The following TIAM1 variants were observed in gnomAD, a reference collection of about 807,000 sequenced individuals.
The protein encoded by TIAM1 is rho guanine nucleotide exchange factor TIAM1.
A neutral mutation model predicts 163.5 loss-of-function variants in TIAM1; 65 were observed. That is an observed-to-expected ratio of 0.40 (90% confidence interval 0.33 to 0.49). The LOEUF (loss-of-function observed/expected upper bound fraction) is 0.49. TIAM1 is among the 20% of genes least tolerant of loss of function. The pLI, the probability that TIAM1 is intolerant of heterozygous loss-of-function variation, is 0.77. For synonymous variants in TIAM1, 833 were observed against 810.1 expected, an observed-to-expected ratio of 1.03 and a Z score of -0.48; for missense variants, 1,789 against 2,044.7, an observed-to-expected ratio of 0.87 and a Z score of 2.41.
chr21:31,339,933 A>C (rs2075965803), intron 1 of TIAM1, among the ~76,000 whole-genome samples: 1 of 152,176 alleles, frequency 6.6e-6, no homozygotes, highest in South Asian at 2.1e-4. Context: ...CTTGTTCTCC[A>C]TTCTCATGAA....
chr21:31,497,346 CAAATA>C (rs1569386636), intron 1 of TIAM1, among the ~76,000 whole-genome samples: 1 of 152,026 alleles, frequency 6.6e-6, no homozygotes, highest in African/African-American at 2.4e-5. Flanking sequence ...AATATCAAAA[CAAATA>C]GTTATAAGAG....
intron 2 of TIAM1, among the ~76,000 whole-genome samples, chr21:31,422,700 C>T (rs1356211787): frequency 6.6e-6 from 1 of 152,210 alleles, no homozygotes; most frequent in African/African-American, 2.4e-5. Flanking sequence ...CTGCACTCCA[C>T]CTTTGCACCA....
At chr21:31,387,207 T>G (rs1351885751) in intron 2 of TIAM1, among the ~76,000 whole-genome samples, 1 of 142,720 alleles carries the variant, frequency 7.0e-6, no homozygotes, top group Admixed American at 6.9e-5. Context: ...TTTTTTTTTT[T>G]TTTTTTTTTT....
chr21:31,316,450 G>A (rs902895551), intron 2 of TIAM1, among the ~76,000 whole-genome samples: 4 of 152,142 alleles, frequency 2.6e-5, no homozygotes, highest in African/African-American at 9.7e-5. Flanking sequence ...ATTTTGTGAG[G>A]GCTAAATCAA....
chr21:31,307,004 T>C (rs1048633427), intron 2 of TIAM1, among the ~76,000 whole-genome samples: 2 of 151,844 alleles, frequency 1.3e-5, no homozygotes, highest in Non-Finnish European at 2.9e-5. Context: ...AAATTCTTCA[T>C]ACTGCATTGC....
intron 22 of TIAM1, among the ~76,000 whole-genome samples, chr21:31,137,232 CAA>C (rs910215408): frequency 2.0e-5 from 3 of 152,224 alleles, no homozygotes; most frequent in Admixed American, 2.0e-4. Context: ...CTCGAGCCAC[CAA>C]AACAGGCTAC....
intron 15 of TIAM1, among the ~76,000 whole-genome samples, chr21:31,170,786 C>T (rs957076684): frequency 6.6e-6 from 1 of 151,820 alleles, no homozygotes; most frequent in African/African-American, 2.4e-5. Context: ...ACCTGTAATC[C>T]CAGCACTTTG....
At chr21:31,426,113 C>T (rs1388471648) in intron 2 of TIAM1, among the ~76,000 whole-genome samples, 2 of 152,028 alleles carry the variant, frequency 1.3e-5, no homozygotes, top group African/African-American at 4.8e-5. Flanking sequence ...GATTTTGGTG[C>T]ACCCATCACC....
At chr21:31,398,315 C>T (rs1282808733) in intron 2 of TIAM1, among the ~76,000 whole-genome samples, 1 of 152,164 alleles carries the variant, frequency 6.6e-6, no homozygotes, top group East Asian at 1.9e-4. Flanking sequence ...TTTATGCCAT[C>T]CTTCTGAATG....
intron 23 of TIAM1, 132 bp downstream of exon 23, chr21:31,135,801 G>A (rs1387456721): frequency 1.0e-5 from 8 of 790,876 alleles, no homozygotes; most frequent in South Asian, 5.1e-5. Flanking sequence ...TGGTGGCTAC[G>A]GCAGGAAGAC....
chr21:31,273,692 C>A (rs2073167610), intron 3 of TIAM1, among the ~76,000 whole-genome samples: 1 of 152,042 alleles, frequency 6.6e-6, no homozygotes, highest in African/African-American at 2.4e-5. Flanking sequence ...TTCAAAATGC[C>A]CACAATGCAT....
chr21:31,306,815 C>T (rs906651296), intron 2 of TIAM1, among the ~76,000 whole-genome samples: 1 of 152,152 alleles, frequency 6.6e-6, no homozygotes, highest in Non-Finnish European at 1.5e-5. Context: ...AAGGCATGAT[C>T]CTCCACTGGA....
At chr21:31,315,549 C>A (rs1320678195) in intron 2 of TIAM1, among the ~76,000 whole-genome samples, 3 of 151,526 alleles carry the variant, frequency 2.0e-5, no homozygotes, top group South Asian at 2.1e-4. Context: ...GTGGCGCATA[C>A]CTGTAATCCC....
At chr21:31,192,164 G>A (rs1409407715) in intron 13 of TIAM1, among the ~76,000 whole-genome samples, 1 of 152,138 alleles carries the variant, frequency 6.6e-6, no homozygotes, top group Non-Finnish European at 1.5e-5. Context: ...AAGTTATAAC[G>A]CAAGTGGCCA....
chr21:31,378,325 A>C (rs1282784264), intron 2 of TIAM1, among the ~76,000 whole-genome samples: 1 of 152,142 alleles, frequency 6.6e-6, no homozygotes, highest in African/African-American at 2.4e-5. Context: ...TTCAAAAAAA[A>C]TTAACACCAA....
intron 2 of TIAM1, among the ~76,000 whole-genome samples, chr21:31,442,066 AATAAAT>A (rs1555982192): frequency 1.1e-4 from 2 of 18,786 alleles, no homozygotes; most frequent in African/African-American, 4.9e-4. Context: ...AGAACAAATA[AATAAAT>A]ATATATATAT....
intron 8 of TIAM1, among the ~76,000 whole-genome samples, chr21:31,220,564 G>A (rs983948139): frequency 2.0e-5 from 3 of 152,194 alleles, no homozygotes; most frequent in Admixed American, 2.0e-4. Context: ...CAGCATGAAA[G>A]AGAAATTCAT....
chr21:31,352,811 G>A lies in TIAM1; in HGVS notation c.-368-13389C>T, dbSNP rs137981350. On this transcript the variant is annotated intron_variant, in intron 2 of 28. Coordinates refer to the TIAM1 transcript ENST00000286827. ...AATAGCTTGAACCTGGGAGGCGAAG[G>A]TTGCAGTGAGCTGTAATCATGCCAC... Among the ~76,000 whole-genome samples, 643 of 151,754 alleles carry A rather than the reference G, an allele frequency of 4.2e-3. 2 individuals are homozygous for A. The highest frequency in any genetic ancestry group is 6.8e-3 in the Middle Eastern group (2 of 294).
rs1228080734 is a variant in TIAM1 at position 31,266,416 on chromosome 21, G to A, written c.557C>T (p.Ser186Phe). The change falls in exon 4 of 28, where the codon TCT (serine) becomes TTT (phenylalanine). Residue 186 changes from serine (S) to phenylalanine (F), a missense_variant. Transcript: ENST00000541036. ...WREDSLEFSL[S>F]DLSQEHLTSN... ...TGTTAAATGTTCTTGGCTCAGATCA[G>A]AGAGTGAGAATTCCAGGCTGTCCTC... 6.2e-7 allele frequency: 1 copy of A among 1,614,126 alleles called. No homozygotes were observed. The highest frequency in any genetic ancestry group is 8.5e-7 in the Non-Finnish European group (1 of 1,180,062).
Sources: allele counts gnomAD v4.1 joint callset (sites outside exome capture counted in the v4.1 genomes callset), GRCh38; gene constraint gnomAD v4.1.1; transcripts MANE v1.5; gene names NCBI Gene and HGNC (gene_info 2026-07-23, HGNC 2026-07-21).